Variants in GPCPD1 observed in about 807,000 individuals in gnomAD.
GPCPD1 encodes glycerophosphocholine phosphodiesterase 1.
GPCPD1 carries 29 observed loss-of-function variants against 89.2 expected under a neutral mutation model. That is an observed-to-expected ratio of 0.33 (90% confidence interval 0.24 to 0.44). The LOEUF (loss-of-function observed/expected upper bound fraction) is 0.44. Among genes scored for constraint, GPCPD1 ranks in the 20% least tolerant of loss-of-function variants. The pLI, the probability that GPCPD1 is intolerant of heterozygous loss-of-function variation, is 1.00. For synonymous variants in GPCPD1, 258 were observed against 266.3 expected (o/e 0.97, Z 0.30); for missense variants, 594 against 808.9 (o/e 0.73, Z 3.22).
chr20:5,594,591 C>T (rs536820249), intron 3 of GPCPD1, among the ~76,000 whole-genome samples: 10 of 150,558 alleles, frequency 6.6e-5, no homozygotes, highest in African/African-American at 1.7e-4. Context: ...CAGGCCCGGC[C>T]GCCTCCAGGT....
At chr20:5,602,120 T>C (rs1261058535) in intron 2 of GPCPD1, among the ~76,000 whole-genome samples, 1 of 152,220 alleles carries the variant, frequency 6.6e-6, no homozygotes, top group African/African-American at 2.4e-5. Flanking sequence ...TCCTGTGCAG[T>C]GAGGAAATCA....
chr20:5,597,588 A>C (rs1979820504), intron 3 of GPCPD1, among the ~76,000 whole-genome samples: 1 of 152,234 alleles, frequency 6.6e-6, no homozygotes, highest in African/African-American at 2.4e-5. Context: ...AGGAAAATAG[A>C]GCCTTAGCAA....
At position 5,593,381 on chromosome 20, in the gene GPCPD1, A is replaced by G. The variant is rs199655306; in HGVS notation, c.177T>C (p.Ser59=). The G allele has an allele frequency of 4.4e-6, 7 of 1,596,872 alleles. No homozygotes were observed. Among genetic ancestry groups the G allele is most frequent in the Non-Finnish European group, 6.0e-6 (7 of 1,164,818 alleles). The stretch of plus-strand genomic sequence containing the variant: ...AGCGATACTGAACTGATACTCCTCT[A>G]CTGAGTACAATGGTTGCTTTCCATA... ...SMLWKATIVL[S]RGVSVQYRYF... is the part of the protein sequence containing the mutation. Residue 59 remains serine (S), a synonymous_variant, in exon 4 of 20, where the codon AGT becomes AGC. Transcript: ENST00000379019.
intron 10 of GPCPD1, among the ~76,000 whole-genome samples, chr20:5,574,850 A>T (rs1186236332): frequency 6.6e-6 from 1 of 152,218 alleles, no homozygotes; most frequent in Non-Finnish European, 1.5e-5. Context: ...ATCACTTTAA[A>T]ATAAAATGGG....
rs934392844 is a variant in GPCPD1, at chr20:5,547,454, A to T, written c.*207T>A. On this transcript the variant is annotated 3_prime_UTR_variant, in exon 20 of 20. Coordinates refer to ENST00000379019, the MANE Select transcript of GPCPD1 (RefSeq NM_019593.5). ...ATATTACTAACCAATAAATTTTCTC[A>T]CTATAAAGAGACTGACTGGCAATTA... 3.2e-5 allele frequency: 11 copies of T among 339,754 alleles called. No individual in the cohort carries two copies. In the Admixed American group the frequency reaches 4.7e-4, roughly 15 times the overall value. 21.0% of individuals were successfully genotyped at this position (339,754 alleles called of 1,614,324 possible). A position where few individuals can be genotyped will look rare whatever the true frequency, so the allele number is the denominator to read the frequency against.
intron 3 of GPCPD1, among the ~76,000 whole-genome samples, chr20:5,594,930 T>G (rs1375324068): frequency 6.6e-6 from 1 of 152,228 alleles, no homozygotes; most frequent in Non-Finnish European, 1.5e-5. Context: ...CAAACTTTTT[T>G]GTTATTATTA....
chr20:5,595,711 A>G (rs1346567505), intron 3 of GPCPD1, among the ~76,000 whole-genome samples: 1 of 152,064 alleles, frequency 6.6e-6, no homozygotes, highest in Non-Finnish European at 1.5e-5. Context: ...TTTTTCCCCA[A>G]TAAGCCTCAG....
At chr20:5,597,176 G>A (rs2122774790) in intron 3 of GPCPD1, among the ~76,000 whole-genome samples, 1 of 152,314 alleles carries the variant, frequency 6.6e-6, no homozygotes, top group Non-Finnish European at 1.5e-5. Flanking sequence ...TATAAGGAGA[G>A]CTGAGAATTG....
chr20:5,608,568 T>A (rs1012394443), intron 1 of GPCPD1, among the ~76,000 whole-genome samples: 20 of 151,972 alleles, frequency 1.3e-4, no homozygotes, highest in African/African-American at 4.6e-4. Context: ...AATGACTGTG[T>A]TGTGAAACAA....
intron 12 of GPCPD1, among the ~76,000 whole-genome samples, chr20:5,568,424 T>TA (rs1226693376): frequency 1.3e-5 from 2 of 151,102 alleles, no homozygotes; most frequent in Non-Finnish European, 3.0e-5. Context: ...CTGAAATACT[T>TA]TTTTTTTTTC....
chr20:5,587,199 C>A (rs953962453), intron 4 of GPCPD1, among the ~76,000 whole-genome samples: 1 of 152,120 alleles, frequency 6.6e-6, no homozygotes, highest in African/African-American at 2.4e-5. Flanking sequence ...TTTGGAAGCA[C>A]ATTTTCAAAC....
chr20:5,561,650 G>A, intron 15 of GPCPD1, 120 bp from the exon 16 acceptor site: 1 of 576,494 alleles, frequency 1.7e-6, no homozygotes, highest in Non-Finnish European at 3.1e-6. Context: ...GCAATAAAAT[G>A]TTTTGTGCAT....
At chr20:5,554,836 T>C (rs563800190) in intron 19 of GPCPD1, among the ~76,000 whole-genome samples, 97 of 152,380 alleles carry the variant, frequency 6.4e-4, no homozygotes, top group African/African-American at 2.3e-3. Context: ...TGAAAACTTT[T>C]TATCATTCCA....
At chr20:5,590,264 C>T (rs1317040430) in intron 4 of GPCPD1, among the ~76,000 whole-genome samples, 1 of 151,976 alleles carries the variant, frequency 6.6e-6, no homozygotes, top group Non-Finnish European at 1.5e-5. Context: ...ATCAAGGCCA[C>T]GTGCGGTGGC....
intron 7 of GPCPD1, 84 bp from the exon 8 acceptor site, chr20:5,578,695 A>T: frequency 1.3e-6 from 1 of 780,420 alleles, no homozygotes; most frequent in South Asian, 1.6e-5. Flanking sequence ...CTACATTTTA[A>T]AGTGCCCCCA....
intron 3 of GPCPD1, among the ~76,000 whole-genome samples, chr20:5,594,607 T>C (rs1979580303): frequency 2.0e-5 from 3 of 152,146 alleles, no homozygotes; most frequent in Admixed American, 1.3e-4. Context: ...CAGGTAACTT[T>C]TATAAACACT....
chr20:5,555,169 G>T (rs1444441647), intron 19 of GPCPD1, among the ~76,000 whole-genome samples: 1 of 152,196 alleles, frequency 6.6e-6, no homozygotes, highest in Non-Finnish European at 1.5e-5. Context: ...GACAACAAGA[G>T]ATTCAGAATA....
chr20:5,575,061 T>C (rs1978286086), intron 10 of GPCPD1, among the ~76,000 whole-genome samples: 1 of 152,090 alleles, frequency 6.6e-6, no homozygotes, highest in Non-Finnish European at 1.5e-5. Flanking sequence ...CTTGGGATAA[T>C]GTTGTCCAAA....
intron 17 of GPCPD1, among the ~76,000 whole-genome samples, chr20:5,559,644 A>G (rs761717821): frequency 2.6e-5 from 4 of 152,196 alleles, no homozygotes; most frequent in Non-Finnish European, 1.5e-5. Flanking sequence ...GAGCTAAAAT[A>G]TTCTCAGATA....
Sources: allele counts gnomAD v4.1 joint callset (sites outside exome capture counted in the v4.1 genomes callset), GRCh38; gene constraint gnomAD v4.1.1; transcripts MANE v1.5; gene names NCBI Gene and HGNC (gene_info 2026-07-23, HGNC 2026-07-21).